KCNIP1: variants seen among roughly 807,000 people sequenced by gnomAD.
The protein encoded by KCNIP1 is A-type potassium channel modulatory protein KCNIP1.
Under a neutral mutation model 33.0 loss-of-function variants are expected in KCNIP1, and 18 were observed. That is an observed-to-expected ratio of 0.55 (90% CI 0.38 to 0.81). The LOEUF is 0.81. KCNIP1 is among the 30% of genes least tolerant of loss of function. The pLI, the probability that KCNIP1 is intolerant of heterozygous loss-of-function variation, is 0.00. For missense variants in KCNIP1, 238 were observed against 271.6 expected (o/e 0.88, Z 0.87); for synonymous variants, 93 against 98.3 (o/e 0.95, Z 0.32).
chr5:170,535,942 G>A (rs1755969137), intron 1 of KCNIP1, among the ~76,000 whole-genome samples: 2 of 152,342 alleles, frequency 1.3e-5, no homozygotes, highest in South Asian at 4.1e-4. Context: ...AGCCCCACCA[G>A]TGTGGAGATG....
At chr5:170,402,122 C>T (rs1754919920) in intron 1 of KCNIP1, among the ~76,000 whole-genome samples, 1 of 152,218 alleles carries the variant, frequency 6.6e-6, no homozygotes, top group African/African-American at 2.4e-5. Flanking sequence ...TTCTTCTCTC[C>T]TGTCTCTGAT....
chr5:170,465,580 T>A (rs6883589), intron 1 of KCNIP1, among the ~76,000 whole-genome samples: 1 of 152,128 alleles, frequency 6.6e-6, no homozygotes, highest in African/African-American at 2.4e-5. Flanking sequence ...TACTTCCTAA[T>A]CTCAAGGGAC....
intron 5 of KCNIP1, among the ~76,000 whole-genome samples, chr5:170,729,571 A>T (rs1351838941): frequency 6.6e-6 from 1 of 152,106 alleles, no homozygotes; most frequent in African/African-American, 2.4e-5. Flanking sequence ...AAATAGGTGA[A>T]CACAATGAGC....
At chr5:170,432,975 G>A (rs904167027) in intron 1 of KCNIP1, among the ~76,000 whole-genome samples, 13 of 149,704 alleles carry the variant, frequency 8.7e-5, no homozygotes, top group African/African-American at 3.2e-4. Flanking sequence ...CTTTAAAGAA[G>A]TGACATTTAA....
At chr5:170,692,347 C>A (rs536269914) in intron 1 of KCNIP1, among the ~76,000 whole-genome samples, 1 of 152,046 alleles carries the variant, frequency 6.6e-6, no homozygotes, top group South Asian at 2.1e-4. Flanking sequence ...TCAGGCAAAG[C>A]GGGGAGTTTT....
intron 1 of KCNIP1, among the ~76,000 whole-genome samples, chr5:170,418,125 G>A (rs1460079657): frequency 1.3e-5 from 2 of 152,124 alleles, no homozygotes; most frequent in African/African-American, 4.8e-5. Flanking sequence ...CCTCAGTAAT[G>A]TTTCCTTCAA....
chr5:170,500,579 C>A (rs1757390972), upstream of KCNIP1, among the ~76,000 whole-genome samples: 2 of 152,156 alleles, frequency 1.3e-5, no homozygotes. Context: ...CCATGCAGTT[C>A]TTTGCTCTCT....
chr5:170,385,190 C>A, intron 1 of KCNIP1: 2 of 1,035,808 alleles, frequency 1.9e-6, no homozygotes, highest in Non-Finnish European at 2.9e-6. Flanking sequence ...GAATGAGCAT[C>A]GTCTTGACCC....
At chr5:170,450,500 C>T (rs1756223141) in intron 1 of KCNIP1, among the ~76,000 whole-genome samples, 1 of 152,150 alleles carries the variant, frequency 6.6e-6, no homozygotes, top group African/African-American at 2.4e-5. Flanking sequence ...TAGCTGAAAA[C>T]CCTTCCGTGG....
chr5:170,596,466 G>A (rs1175696577), intron 1 of KCNIP1, among the ~76,000 whole-genome samples: 1 of 152,222 alleles, frequency 6.6e-6, no homozygotes, highest in Non-Finnish European at 1.5e-5. Flanking sequence ...GGAGATCTGC[G>A]AGCAGGACTG....
At chr5:170,395,495 G>A (rs116031155) in intron 1 of KCNIP1, among the ~76,000 whole-genome samples, 1,725 of 152,296 alleles carry the variant, frequency 0.011, 29 homozygotes, top group African/African-American at 0.038. Flanking sequence ...TGTGTTTAGC[G>A]GAAGGCAGAG....
chr5:170,614,587 A>T (rs1020884228), intron 1 of KCNIP1, among the ~76,000 whole-genome samples: 2 of 152,196 alleles, frequency 1.3e-5, no homozygotes, highest in African/African-American at 4.8e-5. Context: ...TCACACGTGC[A>T]TTCCCACAAG....
chr5:170,587,419 C>A (rs1758035244), intron 1 of KCNIP1, among the ~76,000 whole-genome samples: 1 of 33,430 alleles, frequency 3.0e-5, no homozygotes. Context: ...GAGACTCTGT[C>A]TCAAAAAAAA....
At chr5:170,543,884 C>T (rs144387945) in intron 1 of KCNIP1, among the ~76,000 whole-genome samples, 1 of 152,248 alleles carries the variant, frequency 6.6e-6, no homozygotes, top group East Asian at 1.9e-4. Flanking sequence ...TTTGAATTTC[C>T]ATTACATCAT....
intron 1 of KCNIP1, among the ~76,000 whole-genome samples, chr5:170,424,963 C>T (rs146949319): frequency 1.3e-4 from 20 of 152,308 alleles, no homozygotes; most frequent in African/African-American, 4.3e-4. Context: ...GGCCTTTGCA[C>T]ATGCTGGAAC....
chr5:170,712,250 C>A (rs1763474963), intron 1 of KCNIP1, among the ~76,000 whole-genome samples: 1 of 152,306 alleles, frequency 6.6e-6, no homozygotes, highest in African/African-American at 2.4e-5. Context: ...CTGCAACTAC[C>A]CTTTTCTTTT....
intron 5 of KCNIP1, among the ~76,000 whole-genome samples, chr5:170,727,800 G>T (rs765158736): frequency 6.6e-6 from 1 of 152,022 alleles, no homozygotes; most frequent in Non-Finnish European, 1.5e-5. Flanking sequence ...AATTACCTGG[G>T]TGTAGTGGCA....
At chr5:170,551,980 G>A (rs563625110) in intron 1 of KCNIP1, among the ~76,000 whole-genome samples, 2 of 151,214 alleles carry the variant, frequency 1.3e-5, no homozygotes, top group Admixed American at 1.3e-4. Flanking sequence ...TTGAGTGTGT[G>A]AGCGTGTGTT....
intron 1 of KCNIP1, among the ~76,000 whole-genome samples, chr5:170,484,942 C>CTTTTTTCT (rs1757054034): frequency 7.7e-6 from 1 of 129,474 alleles, no homozygotes; most frequent in African/African-American, 2.9e-5. Context: ...TTTCTTTTTT[C>CTTTTTTCT]TTTTTTTTTT....
Sources: allele counts gnomAD v4.1 joint callset (sites outside exome capture counted in the v4.1 genomes callset), GRCh38; gene constraint gnomAD v4.1.1; transcripts MANE v1.5; gene names NCBI Gene and HGNC (gene_info 2026-07-23, HGNC 2026-07-21).